The following CEP72 variants were observed in gnomAD, a reference collection of about 807,000 sequenced individuals.
The protein encoded by CEP72 is centrosomal protein 72.
In CEP72, 78 loss-of-function variants were observed where a neutral mutation model predicts 65.7. The observed-to-expected ratio is 1.19, with a 90% CI of 0.99 to 1.43. The LOEUF is 1.43. Ranked by LOEUF, CEP72 falls within the 40% of genes most tolerant of loss-of-function variation. The pLI is 0.00. For synonymous variants in CEP72, 358 were observed against 351.7 expected, an observed-to-expected ratio of 1.02 and a Z score of -0.20; for missense variants, 914 against 832.9, an observed-to-expected ratio of 1.10 and a Z score of -1.20.
chr5:643,777 T>G, intron 9 of CEP72: 2 of 465,324 alleles, frequency 4.3e-6, no homozygotes, highest in Non-Finnish European at 5.6e-6. Flanking sequence ...GCCGTGTAGC[T>G]GCAGGCGTGG....
At chr5:634,434 G>T (rs375910955) in intron 5 of CEP72, among the ~76,000 whole-genome samples, 2 of 152,194 alleles carry the variant, frequency 1.3e-5, no homozygotes, top group African/African-American at 4.8e-5. Flanking sequence ...TTCCACCTCC[G>T]CTGTGAGTTT....
intron 4 of CEP72, among the ~76,000 whole-genome samples, chr5:628,552 A>AGCTTCTGGAGAACTCAGGTCACC (rs1736932634): frequency 3.6e-5 from 1 of 28,000 alleles, no homozygotes; most frequent in African/African-American, 2.4e-4. Context: ...CTCAGGTTGC[A>AGCTTCTGGAGAACTCAGGTCACC]GTCCCCGGGG....
the CEP72 span, chr5:676,251 C>G: frequency 1.3e-5 from 2 of 152,310 alleles, no homozygotes; most frequent in African/African-American, 4.8e-5. Flanking sequence ...GCAGGACACG[C>G]AGTCTAGGAA....
At chr5:649,541 G>A (rs1176109739) in intron 11 of CEP72, among the ~76,000 whole-genome samples, 2 of 82,680 alleles carry the variant, frequency 2.4e-5, no homozygotes, top group East Asian at 5.3e-4. Flanking sequence ...GGACTGTGAG[G>A]TGTGACTGTG....
rs199595055 is a variant in CEP72 at position 620,282 on chromosome 5, C to T, written c.403+21C>T. On this transcript the variant is annotated intron_variant, in intron 3 of 11. Transcript: ENST00000264935. ...GCTGGGTAGGCATCAGGCAGGGCCA[C>T]GCTCATGCTTTTGTCCCCGTGGGGT... 62 of 1,603,912 alleles carry T rather than the reference C, an allele frequency of 3.9e-5. No individual in the cohort carries two copies. In the East Asian group the frequency reaches 1.1e-3, roughly 30 times the overall value.
chr5:624,491 AGCGAGCGGAAG>A lies in CEP72; in HGVS notation c.427_437del (p.Glu143PhefsTer48). 6.2e-7 allele frequency: 1 copy of A among 1,614,134 alleles called. No individual in the cohort carries two copies. Among genetic ancestry groups the A allele is most frequent in the Non-Finnish European group, 8.5e-7 (1 of 1,179,954 alleles). The stretch of plus-strand genomic sequence containing the variant: ...TCTAGACGATCGCCCCGTGAGAGCA[AGCGAGCGGAAG>A]GCTTCCCGACTGCATTTTGCATCAG... On this transcript the variant is annotated frameshift_variant, in exon 4 of 12. Coordinates refer to ENST00000264935, the MANE Select transcript of CEP72 (RefSeq NM_018140.4). LOFTEE classifies it high-confidence loss of function. The surrounding 1 kb of genome is among the most constrained non-coding windows in gnomAD (Gnocchi z 4.7).
chr5:619,229 T>C, intron 2 of CEP72, 112 bp downstream of exon 2: 2 of 914,718 alleles, frequency 2.2e-6, no homozygotes, highest in Non-Finnish European at 3.4e-6. Context: ...CTGTATACGG[T>C]ACACTTTGTG....
intron 4 of CEP72, chr5:666,131 G>A: frequency 6.2e-7 from 1 of 1,610,246 alleles, no homozygotes. Flanking sequence ...CCTCTACAGG[G>A]GCACAGGCGA....
At chr5:668,266 CGGAGAGGGG>C (rs1740024330), downstream of CEP72, among the ~76,000 whole-genome samples, 1 of 43,046 alleles carries the variant, frequency 2.3e-5, no homozygotes, top group African/African-American at 1.5e-4. Context: ...GACAAGCACA[CGGAGAGGGG>C]TCCGCGTGGG....
chr5:666,040 C>T lies in CEP72; in HGVS notation n.533C>T, dbSNP rs150708894. 1.4e-4 allele frequency: 220 copies of T among 1,611,636 alleles called. No homozygotes were observed. Among genetic ancestry groups the T allele is most frequent in the Non-Finnish European group, 1.7e-4 (195 of 1,179,672 alleles). On this transcript the variant is annotated non_coding_transcript_exon_variant, in exon 4 of 5. Coordinates refer to the CEP72 transcript ENST00000514507. ...CACCTCGCGAACGGCCTCCTCGCTG[C>T]TCTTGTCTTTGAATCGCTTCTTGGC...
chr5:620,571 G>C (rs913049800), intron 3 of CEP72, among the ~76,000 whole-genome samples: 3 of 152,206 alleles, frequency 2.0e-5, no homozygotes, highest in Non-Finnish European at 4.4e-5. Flanking sequence ...ACTTGGGCAC[G>C]TTCCTGAACA....
At chr5:649,939 G>A (rs1738850053) in intron 11 of CEP72, among the ~76,000 whole-genome samples, 1 of 94,078 alleles carries the variant, frequency 1.1e-5, no homozygotes, top group Non-Finnish European at 2.1e-5. Flanking sequence ...TGTGAGGCGT[G>A]ACTGTGAGGC....
intron 11 of CEP72, among the ~76,000 whole-genome samples, chr5:648,290 G>C (rs1738560145): frequency 1.0e-5 from 1 of 95,424 alleles, no homozygotes; most frequent in Non-Finnish European, 2.2e-5. Context: ...TGTGAGGTGT[G>C]GACTGTGAGG....
intron 4 of CEP72, among the ~76,000 whole-genome samples, chr5:628,397 CTTCT>C (rs1736895505): frequency 6.7e-6 from 1 of 150,358 alleles, no homozygotes; most frequent in Admixed American, 6.7e-5. Context: ...CTTTGTGCAG[CTTCT>C]GGAGAACTCA....
intron 9 of CEP72, 73 bp downstream of exon 9, chr5:640,677 G>A: frequency 6.7e-7 from 1 of 1,499,564 alleles, no homozygotes. Context: ...CAGGAACGAG[G>A]GCAGCTCCTT....
At chr5:644,188 C>G (rs1738259451) in intron 9 of CEP72, 111 bp from the exon 10 acceptor site, 1 of 1,229,028 alleles carries the variant, frequency 8.1e-7, no homozygotes, top group African/African-American at 1.5e-5. Flanking sequence ...CATCGTGACT[C>G]CCAAGTATGC....
At chr5:619,181 GCA>G in intron 2 of CEP72, 64 bp downstream of exon 2, 2 of 1,472,396 alleles carry the variant, frequency 1.4e-6, no homozygotes, top group Non-Finnish European at 1.9e-6. Flanking sequence ...TCCATTCACA[GCA>G]GAAACGGAGT....
downstream of CEP72, among the ~76,000 whole-genome samples, chr5:671,809 G>A (rs879893489): frequency 3.9e-5 from 6 of 152,198 alleles, no homozygotes; most frequent in Non-Finnish European, 5.9e-5. Flanking sequence ...CTCCAGAGCC[G>A]CCGAGTGCAA....
In CEP72 at chr5:653,398, A is replaced by G. The variant is rs1252477968; in HGVS notation, c.*245A>G. On this transcript the variant is annotated 3_prime_UTR_variant, in exon 12 of 12. Coordinates refer to ENST00000264935, the MANE Select transcript of CEP72 (RefSeq NM_018140.4). ...GAACACATTGACATATTTTGAGACA[A>G]ACTGACTATTAATCTTGTATCCAGT... The G allele has an allele frequency of 1.6e-5, 6 of 377,872 alleles. 1 individual carries two copies. In the South Asian group the frequency reaches 4.9e-4, roughly 31 times the overall value. The allele number at this position is 377,872 out of a possible 1,614,324, so 23.4% of individuals were successfully genotyped here.
Sources: allele counts gnomAD v4.1 joint callset (sites outside exome capture counted in the v4.1 genomes callset), GRCh38; gene constraint gnomAD v4.1.1; non-coding constraint Gnocchi (gnomAD v3.1); transcripts MANE v1.5; gene names NCBI Gene and HGNC (gene_info 2026-07-23, HGNC 2026-07-21).